PIGK: variants seen among roughly 807,000 people sequenced by gnomAD.
The protein encoded by PIGK is phosphatidylinositol glycan anchor biosynthesis class K.
PIGK carries 42 observed loss-of-function variants against 50.6 expected under a neutral mutation model. That is an observed-to-expected ratio of 0.83 (90% CI 0.65 to 1.07). The LOEUF is 1.07. Ranked by LOEUF, PIGK falls within the 50% of genes least tolerant of loss-of-function variation. The pLI, the probability that PIGK is intolerant of heterozygous loss-of-function variation, is 0.00. For missense variants in PIGK, 448 were observed against 488.7 expected, an observed-to-expected ratio of 0.92 and a Z score of 0.78; for synonymous variants, 151 against 156.0, an observed-to-expected ratio of 0.97 and a Z score of 0.24.
intron 9 of PIGK, among the ~76,000 whole-genome samples, chr1:77,149,659 T>C (rs1654850223): frequency 6.6e-6 from 1 of 152,106 alleles, no homozygotes; most frequent in Non-Finnish European, 1.5e-5. Context: ...GTATAGCACT[T>C]CAACACCCCA....
chr1:77,133,695 C>T (rs1400728734), intron 9 of PIGK, among the ~76,000 whole-genome samples: 1 of 152,158 alleles, frequency 6.6e-6, no homozygotes, highest in African/African-American at 2.4e-5. Context: ...ATTTAGACCA[C>T]CTGAAAATTT....
chr1:77,207,486 AAACAT>A (rs1656315566), intron 2 of PIGK, among the ~76,000 whole-genome samples: 1 of 152,228 alleles, frequency 6.6e-6, no homozygotes, highest in Non-Finnish European at 1.5e-5. Flanking sequence ...ACACAGGATA[AAACAT>A]AACATATAAA....
At chr1:77,107,182 G>A (rs1200098080) in intron 10 of PIGK, among the ~76,000 whole-genome samples, 5 of 152,020 alleles carry the variant, frequency 3.3e-5, no homozygotes, top group Non-Finnish European at 1.5e-5. Flanking sequence ...TGTGATGTTA[G>A]GGTGTCCATT....
chr1:77,122,330 A>C lies in PIGK; in HGVS notation c.1016T>G (p.Leu339Arg), dbSNP rs192818073. ...TTCAGCATATTTCAGAGGTTCCATT[A>C]GTTTCTCATCCATCTGGTCTTCCTT... Reference protein sequence around the residue: ...SYKEDQMDEKLMEPLKYAEQL... With the variant: ...SYKEDQMDEKRMEPLKYAEQL... Residue 339 changes from leucine to arginine, a missense_variant, in exon 10 of 11, where the codon CTA (leucine) becomes CGA (arginine). Physicochemically the swap from Leu to Arg is moderately radical, Grantham distance 102. Transcript: ENST00000370812. The C allele has an allele frequency of 1.9e-6, 3 of 1,605,000 alleles. No individual in the cohort carries two copies. The highest frequency in any genetic ancestry group is 1.7e-5 in the Admixed American group (1 of 59,938).
At position 77,206,650 on chromosome 1, in the gene PIGK, T is replaced by C. The variant is rs1194302567; in HGVS notation, c.229A>G (p.Ile77Val). The change falls in exon 3 of 11, where the codon ATT (isoleucine) becomes GTT (valine). Residue 77 changes from isoleucine (I) to valine (V), a missense_variant. By Grantham distance (29) the Ile-to-Val change is conservative. Coordinates refer to ENST00000370812, the MANE Select transcript of PIGK (RefSeq NM_005482.3). Reference protein sequence around the residue: ...SVYRSVKRLGIPDSHIVLMLA... With the variant: ...SVYRSVKRLGVPDSHIVLMLA... Reference sequence around the variant, plus strand: ...ATTAAGGCTTCTTACCTGTCAGGAATACCTAGCCTCTTGACACTTCTATAA... The same window carrying C: ...ATTAAGGCTTCTTACCTGTCAGGAACACCTAGCCTCTTGACACTTCTATAA... 13 of 1,590,662 alleles carry C rather than the reference T, an allele frequency of 8.2e-6. No individual in the cohort carries two copies. The highest frequency in any genetic ancestry group is 1.1e-5 in the Non-Finnish European group (13 of 1,159,134).
At chr1:77,134,951 A>T (rs1459575071) in intron 9 of PIGK, among the ~76,000 whole-genome samples, 1 of 152,104 alleles carries the variant, frequency 6.6e-6, no homozygotes, top group Non-Finnish European at 1.5e-5. Context: ...TTTACTCATG[A>T]TTATAACTAT....
Position 77,199,471 on chromosome 1 carries a change from T to C in PIGK, c.239+7169A>G, listed in dbSNP as rs560773416. ...ATTATCTTCACAATAACTATGATTG[T>C]ACATTGCAAATTATTTACAAAACTT... On this transcript the variant is annotated intron_variant, in intron 3 of 10. Transcript: ENST00000370812. 5.9e-5 allele frequency among the ~76,000 whole-genome samples: 9 copies of C among 152,176 alleles called. No individual in the cohort carries two copies. In the South Asian group the frequency reaches 1.4e-3, roughly 25 times the overall value.
In PIGK at chr1:77,111,871, A is replaced by G. The variant is rs537885756; in HGVS notation, c.1071+10404T>C. On this transcript the variant is annotated intron_variant, in intron 10 of 10. Transcript: ENST00000370812. ...AGAAACACCTTAGTAAATCAAAACT[A>G]GGTAACATGGATACTATTCTGTCTT... 2.6e-5 allele frequency among the ~76,000 whole-genome samples: 4 copies of G among 152,302 alleles called. No homozygotes were observed. The East Asian group carries it at 5.8e-4, about 22-fold the overall frequency.
At chr1:77,178,394 A>C (rs1008769057) in intron 3 of PIGK, among the ~76,000 whole-genome samples, 2 of 152,224 alleles carry the variant, frequency 1.3e-5, no homozygotes, top group Non-Finnish European at 2.9e-5. Context: ...GATAGGCTCT[A>C]TAGCAGATTC....
intron 3 of PIGK, among the ~76,000 whole-genome samples, chr1:77,197,252 T>A (rs1656057927): frequency 6.6e-6 from 1 of 152,090 alleles, no homozygotes; most frequent in African/African-American, 2.4e-5. Context: ...TTGTTACAGA[T>A]GAAAAAACTA....
chr1:77,150,264 C>A (rs1098133), intron 9 of PIGK, among the ~76,000 whole-genome samples: 25,957 of 151,816 alleles, frequency 0.17, 3,748 homozygotes, highest in African/African-American at 0.39. Flanking sequence ...ACACTTGTAA[C>A]CCCAGCACTT....
intron 3 of PIGK, chr1:77,194,915 T>C: frequency 2.0e-6 from 1 of 511,930 alleles, no homozygotes; most frequent in Non-Finnish European, 3.8e-6. Flanking sequence ...GTCAAATGGA[T>C]GGACAGAAGT....
At chr1:77,169,198 T>C (rs1655300355) in intron 4 of PIGK, 62 bp downstream of exon 4, 1 of 1,088,008 alleles carries the variant, frequency 9.2e-7, no homozygotes, top group Non-Finnish European at 1.3e-6. Context: ...TATTCTGCCA[T>C]TGTTTTAGAG....
chr1:77,107,443 G>A (rs1018433411), intron 10 of PIGK, among the ~76,000 whole-genome samples: 5 of 152,084 alleles, frequency 3.3e-5, no homozygotes, highest in African/African-American at 1.2e-4. Context: ...ATTGCACTGT[G>A]GTCTGAGAGA....
rs113345479 is a variant in PIGK at position 77,168,317 on chromosome 1, A to T, written c.375+943T>A. On this transcript the variant is annotated intron_variant, in intron 4 of 10. Transcript: ENST00000370812. ...TTCTTGTTCAACTATTTCCTAGAACATGAGTGTATAAATTGTATGTATACA... is the reference window on the plus strand; with the variant it reads ...TTCTTGTTCAACTATTTCCTAGAACTTGAGTGTATAAATTGTATGTATACA... Among the ~76,000 whole-genome samples the T allele has an allele frequency of 2.6e-5, 4 of 152,244 alleles. No individual in the cohort carries two copies. The South Asian group carries it at 8.3e-4, about 31-fold the overall frequency.
intron 9 of PIGK, chr1:77,129,610 A>G (rs1262619521): frequency 4.5e-6 from 7 of 1,546,380 alleles, no homozygotes; most frequent in Middle Eastern, 2.3e-4. Context: ...GAGGTTGCCC[A>G]GAAGAAAAAG....
rs74751894 is a variant in PIGK at position 77,092,871 on chromosome 1, C to A, written c.1072-381G>T. Among the ~76,000 whole-genome samples the A allele has an allele frequency of 6.6e-5, 10 of 152,216 alleles. No homozygotes were observed. In the East Asian group the frequency reaches 1.9e-3, roughly 29 times the overall value. On this transcript the variant is annotated intron_variant, in intron 10 of 10. Transcript: ENST00000370812. ...TATTAGACTGTAGTTTCATGACGGT[C>A]ATCTTATTATATTCCCAGCACCAAC... is the stretch of plus-strand genomic sequence containing the variant.
intron 10 of PIGK, among the ~76,000 whole-genome samples, chr1:77,106,649 C>G (rs961530696): frequency 2.0e-4 from 30 of 151,962 alleles, no homozygotes; most frequent in African/African-American, 7.0e-4. Flanking sequence ...TGACAATAAC[C>G]TGAAACAGTC....
At chr1:77,179,317 G>A (rs1655558849) in intron 3 of PIGK, among the ~76,000 whole-genome samples, 2 of 152,178 alleles carry the variant, frequency 1.3e-5, no homozygotes, top group East Asian at 3.8e-4. Context: ...AACCAAAAGG[G>A]GGGAATTGGT....
Sources: gnomAD v4.1 joint callset for allele counts (sites outside exome capture counted in the v4.1 genomes callset) on GRCh38, gnomAD v4.1.1 for gene constraint, MANE v1.5 for transcripts, NCBI Gene and HGNC (gene_info 2026-07-23, HGNC 2026-07-21) for gene names.